The following TSPAN13 variants were observed in gnomAD, a reference collection of about 807,000 sequenced individuals.
The protein encoded by TSPAN13 is tetraspanin-13.
A neutral mutation model predicts 26.9 loss-of-function variants in TSPAN13; 18 were observed. The ratio of observed to expected loss-of-function variants is 0.67; its 90% CI spans 0.46 to 0.99. The LOEUF (loss-of-function observed/expected upper bound fraction) is 0.99, where lower values mean the gene tolerates loss of function less well. Among genes scored for constraint, TSPAN13 ranks in the 50% least tolerant of loss-of-function variants. The pLI, the probability that TSPAN13 is intolerant of heterozygous loss-of-function variation, is 0.00. For synonymous variants in TSPAN13, 116 were observed against 98.4 expected (o/e 1.18, Z -1.06); for missense variants, 201 against 249.6 (o/e 0.81, Z 1.31).
At chr7:16,757,015 CTT>C (rs1784487785) in intron 1 of TSPAN13, among the ~76,000 whole-genome samples, 1 of 152,068 alleles carries the variant, frequency 6.6e-6, no homozygotes, top group African/African-American at 2.4e-5. Flanking sequence ...TGTGTGCACT[CTT>C]TTGAGAACTG....
chr7:16,760,932 G>A (rs961976149), intron 1 of TSPAN13, among the ~76,000 whole-genome samples: 6 of 152,198 alleles, frequency 3.9e-5, no homozygotes, highest in African/African-American at 1.4e-4. Flanking sequence ...GCCCGGCACA[G>A]CCCTGGCATG....
In TSPAN13 at chr7:16,779,095, C is replaced by T. The variant is rs1784786447; in HGVS notation, c.519C>T (p.Gly173=). Residue 173 remains glycine, a synonymous_variant, in exon 5 of 6, where the codon GGC becomes GGT. Transcript: ENST00000262067. ...TTTTGAGATTTGTTGGTGGCATTGG[C>T]CTGTTCTTCAGTTTTACAGAGGTAT... ...GEVLRFVGGI[G]LFFSFTEILG... is the part of the protein sequence containing the mutation. The T allele has an allele frequency of 6.2e-7, 1 of 1,613,512 alleles. No individual in the cohort carries two copies. The highest frequency in any genetic ancestry group is 1.3e-5 in the African/African-American group (1 of 74,988).
chr7:16,776,009 A>G (rs1238730512), intron 1 of TSPAN13: 1 of 441,968 alleles, frequency 2.3e-6, no homozygotes, highest in Non-Finnish European at 3.9e-6. Flanking sequence ...AGAATAAAGC[A>G]CGCCTGGGGA....
chr7:16,766,474 C>G (rs562379685), intron 1 of TSPAN13, among the ~76,000 whole-genome samples: 26 of 152,306 alleles, frequency 1.7e-4, no homozygotes, highest in Admixed American at 7.8e-4. Context: ...TCTTGGTTCA[C>G]TTTTGAAACC....
rs1053589151 is a variant in TSPAN13 at position 16,759,421 on chromosome 7, G to A, written c.63+5391G>A. ...ACGCTTTTAAACAACCAGATCTCACGTGAACTCAGAGGGAGAACTCACTTA... is the reference window on the plus strand; with the variant it reads ...ACGCTTTTAAACAACCAGATCTCACATGAACTCAGAGGGAGAACTCACTTA... On this transcript the variant is annotated intron_variant, in intron 1 of 5. Coordinates refer to ENST00000262067, the MANE Select transcript of TSPAN13 (RefSeq NM_014399.4). 6.6e-5 allele frequency among the ~76,000 whole-genome samples: 10 copies of A among 152,040 alleles called. No homozygotes were observed. In the East Asian group the frequency reaches 7.8e-4, roughly 12 times the overall value.
Position 16,776,238 on chromosome 7 carries a change from G to C in TSPAN13, c.91G>C (p.Ala31Pro). ...TLVSLLLIGIAAWGIGFGLIS... is the reference protein window; with the variant it reads ...TLVSLLLIGIPAWGIGFGLIS... ...GGTTAGTCTGCTGCTAATTGGAATTGCTGCGTGGGGCATTGGCTTCGGGCT... is the reference window on the plus strand; with the variant it reads ...GGTTAGTCTGCTGCTAATTGGAATTCCTGCGTGGGGCATTGGCTTCGGGCT... The change falls in exon 2 of 6, where the codon GCT becomes CCT. Residue 31 changes from alanine to proline, a missense_variant. Physicochemically the swap from Ala to Pro is conservative, Grantham distance 27. Transcript: ENST00000262067. The C allele has an allele frequency of 6.2e-7, 1 of 1,614,014 alleles. No individual in the cohort carries two copies. Among genetic ancestry groups the C allele is most frequent in the Non-Finnish European group, 8.5e-7 (1 of 1,179,978 alleles).
chr7:16,767,237 G>A (rs943264154), intron 1 of TSPAN13, among the ~76,000 whole-genome samples: 6 of 152,116 alleles, frequency 3.9e-5, no homozygotes, highest in African/African-American at 1.4e-4. Context: ...CCATGAATGT[G>A]TATGACAATG....
rs1784842122 is a variant in TSPAN13 at position 16,783,800 on chromosome 7, T to TATATG, written c.*309_*310insATATG. The TATATG allele has an allele frequency of 2.7e-6, 1 of 367,414 alleles. No homozygotes were observed. Among genetic ancestry groups the TATATG allele is most frequent in the Non-Finnish European group, 5.0e-6 (1 of 198,554 alleles). 22.8% of individuals were successfully genotyped at this position (367,414 alleles called of 1,614,324 possible). ...GCAGAAAAACTTTGTATGGTACCAC[T>TATATG]GTGTTGGTTATATGGTGAATCTGAA... On this transcript the variant is annotated 3_prime_UTR_variant, in exon 6 of 6. Transcript: ENST00000262067.
At chr7:16,755,932 G>A (rs1784477102) in intron 1 of TSPAN13, among the ~76,000 whole-genome samples, 1 of 152,098 alleles carries the variant, frequency 6.6e-6, no homozygotes, top group African/African-American at 2.4e-5. Context: ...GATTTTAATA[G>A]CTATGCAGTA....
intron 5 of TSPAN13, among the ~76,000 whole-genome samples, chr7:16,780,320 G>C (rs564825147): frequency 6.6e-6 from 1 of 152,122 alleles, no homozygotes; most frequent in South Asian, 2.1e-4. Flanking sequence ...GGCTGGTCTG[G>C]AACCCCTGGC....
intron 5 of TSPAN13, 125 bp downstream of exon 5, chr7:16,779,241 A>G (rs1784787802): frequency 1.5e-6 from 1 of 662,072 alleles, no homozygotes; most frequent in Admixed American, 3.3e-5. Flanking sequence ...AAAAGAGGAA[A>G]CTTGGTTTAG....
intron 4 of TSPAN13, among the ~76,000 whole-genome samples, chr7:16,778,127 GAT>G (rs1784773906): frequency 6.6e-6 from 1 of 152,166 alleles, no homozygotes; most frequent in African/African-American, 2.4e-5. Context: ...ATTGGACACA[GAT>G]GCTAATGGTT....
Position 16,779,044 on chromosome 7 carries a change from A to C in TSPAN13, c.468A>C (p.Pro156=). The C allele has an allele frequency of 1.9e-6, 3 of 1,614,176 alleles. No homozygotes were observed. The highest frequency in any genetic ancestry group is 2.5e-6 in the Non-Finnish European group (3 of 1,180,018). ...ACCACTCGTGCTCGCCATGTGCTCC[A>C]ATCATAGGAGAATATGCTGGAGAGG... ...KSDHSCSPCA[P]IIGEYAGEVL... The change falls in exon 5 of 6, where the codon CCA becomes CCC. Residue 156 remains proline, a synonymous_variant. Coordinates refer to ENST00000262067, the MANE Select transcript of TSPAN13 (RefSeq NM_014399.4).
intron 1 of TSPAN13, among the ~76,000 whole-genome samples, chr7:16,761,879 G>A (rs1784544894): frequency 6.6e-6 from 1 of 151,792 alleles, no homozygotes; most frequent in African/African-American, 2.4e-5. Context: ...ATTACATTTT[G>A]TTGGTATAGT....
At chr7:16,757,054 C>G (rs1465249064) in intron 1 of TSPAN13, among the ~76,000 whole-genome samples, 1 of 152,038 alleles carries the variant, frequency 6.6e-6, no homozygotes, top group Non-Finnish European at 1.5e-5. Flanking sequence ...CCTATAAAGG[C>G]AAATGCATTG....
Position 16,777,072 on chromosome 7 carries a change from G to T in TSPAN13, c.262G>T (p.Val88Phe). Residue 88 changes from valine (V) to phenylalanine (F), a missense_variant, in exon 3 of 6, where the codon GTT becomes TTT. By Grantham distance (50) the Val-to-Phe change is conservative. Transcript: ENST00000262067. ...YMIILLLVFIVQFSVSCACLA... is the reference protein window; with the variant it reads ...YMIILLLVFIFQFSVSCACLA... ...GATTATTCTGTTACTTGTATTTATT[G>T]TTCAGTTTTCTGTATCTTGCGCTTG... 1 of 1,613,172 alleles carries T rather than the reference G, an allele frequency of 6.2e-7. No homozygotes were observed. Among genetic ancestry groups the T allele is most frequent in the South Asian group, 1.1e-5 (1 of 91,024 alleles).
At chr7:16,764,260 C>G (rs1446216353) in intron 1 of TSPAN13, among the ~76,000 whole-genome samples, 1 of 150,834 alleles carries the variant, frequency 6.6e-6, no homozygotes, top group African/African-American at 2.4e-5. Context: ...AACTCCTGAC[C>G]TCGTGATCTG....
chr7:16,782,440 G>T (rs113979934), intron 5 of TSPAN13, among the ~76,000 whole-genome samples: 3,923 of 152,264 alleles, frequency 0.026, 100 homozygotes, highest in Middle Eastern at 0.051. Flanking sequence ...TATAAAGTGG[G>T]AGATACAGTT....
chr7:16,757,693 C>A (rs1417610061), intron 1 of TSPAN13, among the ~76,000 whole-genome samples: 1 of 152,076 alleles, frequency 6.6e-6, no homozygotes, highest in African/African-American at 2.4e-5. Context: ...TTGTTTCTTT[C>A]TCTTTTTCGT....
Sources: gnomAD v4.1 joint callset for allele counts (sites outside exome capture counted in the v4.1 genomes callset) on GRCh38, gnomAD v4.1.1 for gene constraint, MANE v1.5 for transcripts, NCBI Gene and HGNC (gene_info 2026-07-23, HGNC 2026-07-21) for gene names.